VDAC3: variants seen among roughly 807,000 people sequenced by gnomAD.
VDAC3 encodes non-selective voltage-gated ion channel VDAC3.
VDAC3 carries 7 observed loss-of-function variants against 33.9 expected under a neutral mutation model. The observed-to-expected ratio is 0.21, with a 90% CI of 0.12 to 0.39. The LOEUF is 0.39. Among genes scored for constraint, VDAC3 ranks in the 10% least tolerant of loss-of-function variants. The probability of loss-of-function intolerance (pLI) is 1.00; values close to 1 mark genes in which losing one functional copy is unlikely to be tolerated. For missense variants in VDAC3, 261 were observed against 334.5 expected (o/e 0.78, Z 1.71); for synonymous variants, 100 against 122.4 (o/e 0.82, Z 1.21).
Position 42,394,210 on chromosome 8 carries a change from A to G in VDAC3, c.-2A>G. The G allele has an allele frequency of 1.2e-6, 2 of 1,613,476 alleles. No homozygotes were observed. The highest frequency in any genetic ancestry group is 2.2e-5 in the East Asian group (1 of 44,822). On this transcript the variant is annotated splice_region_variant and 5_prime_UTR_variant, in exon 3 of 10. Coordinates refer to ENST00000022615, the MANE Select transcript of VDAC3 (RefSeq NM_005662.7). Reference sequence around the variant, plus strand: ...CCTTTGCCCTGTTTTTCTTTATAAGATATGTGTAACACACCAACGTACTGT... The same window carrying G: ...CCTTTGCCCTGTTTTTCTTTATAAGGTATGTGTAACACACCAACGTACTGT...
At chr8:42,399,149 A>G (rs1294495097) in intron 5 of VDAC3, among the ~76,000 whole-genome samples, 1 of 152,144 alleles carries the variant, frequency 6.6e-6, no homozygotes, top group East Asian at 1.9e-4. Context: ...TTAGTTTTGT[A>G]ATTGTTGAAA....
At chr8:42,399,728 GA>G (rs762862301) in intron 6 of VDAC3, 25 bp downstream of exon 6, 9 of 1,608,860 alleles carry the variant, frequency 5.6e-6, no homozygotes, top group Non-Finnish European at 6.8e-6. Flanking sequence ...CCCATTTCCT[GA>G]AACGTTTTTG....
chr8:42,398,795 T>C lies in VDAC3; in HGVS notation c.201T>C (p.Tyr67=). 1 of 1,614,010 alleles carries C rather than the reference T, an allele frequency of 6.2e-7. No homozygotes were observed. The highest frequency in any genetic ancestry group is 8.5e-7 in the Non-Finnish European group (1 of 1,179,986). The change falls in exon 5 of 10, where the codon TAT becomes TAC. Residue 67 remains tyrosine (Y), a synonymous_variant. Transcript: ENST00000022615. ...NLETKYKVCN[Y]GLTFTQKWNT... ...AAACCAAATATAAGGTCTGTAACTA[T>C]GGACTTACCTTCACCCAGAAATGGA...
rs201176510 is a variant in VDAC3 at position 42,394,234 on chromosome 8, G to A, written c.23G>A (p.Cys8Tyr). ...GATATGTGTAACACACCAACGTACTGTGACCTAGGAAAGGCTGCTAAGGAT... is the reference window on the plus strand; with the variant it reads ...GATATGTGTAACACACCAACGTACTATGACCTAGGAAAGGCTGCTAAGGAT... Reference protein sequence around the residue: MCNTPTYCDLGKAAKDVF... With the variant: MCNTPTYYDLGKAAKDVF... Residue 8 changes from cysteine (C) to tyrosine (Y), a missense_variant, in exon 3 of 10, where the codon TGT (cysteine) becomes TAT (tyrosine). Cys to Tyr is a radical substitution (Grantham distance 194, BLOSUM62 -2). Transcript: ENST00000022615. The A allele has an allele frequency of 6.2e-7, 1 of 1,613,690 alleles. No individual in the cohort carries two copies. The highest frequency in any genetic ancestry group is 1.1e-5 in the South Asian group (1 of 91,052).
chr8:42,402,733 T>C (rs1011565884), intron 7 of VDAC3, among the ~76,000 whole-genome samples: 1 of 152,206 alleles, frequency 6.6e-6, no homozygotes, highest in Non-Finnish European at 1.5e-5. Flanking sequence ...AGCAGTGGTA[T>C]AGACAGTTAC....
At chr8:42,399,142 G>A (rs1408658452) in intron 5 of VDAC3, among the ~76,000 whole-genome samples, 3 of 152,052 alleles carry the variant, frequency 2.0e-5, no homozygotes, top group Non-Finnish European at 4.4e-5. Context: ...ATTTGGTTTA[G>A]TTTTGTAATT....
intron 7 of VDAC3, among the ~76,000 whole-genome samples, chr8:42,402,796 C>T (rs1802437195): frequency 6.6e-6 from 1 of 152,206 alleles, no homozygotes; most frequent in Admixed American, 6.5e-5. Context: ...CCCAAGGACT[C>T]ACCTCTGGCA....
Position 42,403,356 on chromosome 8 carries a change from T to C in VDAC3, c.597T>C (p.Asn199=), listed in dbSNP as rs951822122. Residue 199 remains asparagine, a synonymous_variant, in exon 8 of 10, where the codon AAT becomes AAC. Coordinates refer to ENST00000022615, the MANE Select transcript of VDAC3 (RefSeq NM_005662.7). ...EFGGSIYQKV[N]EKIETSINLA... is the part of the protein sequence containing the mutation. ...GAGGTTCTATCTACCAGAAGGTGAA[T>C]GAGAAGATTGAAACATCCATAAACC... 1.2e-6 allele frequency: 2 copies of C among 1,613,796 alleles called. No homozygotes were observed. The highest frequency in any genetic ancestry group is 1.7e-6 in the Non-Finnish European group (2 of 1,179,980).
chr8:42,399,056 A>G (rs556275915), intron 5 of VDAC3, among the ~76,000 whole-genome samples, 192 bp downstream of exon 5: 1 of 151,968 alleles, frequency 6.6e-6, no homozygotes, highest in Non-Finnish European at 1.5e-5. Context: ...TCTAATTACT[A>G]TATTACATCT....
chr8:42,392,183 T>G (rs1016277928), intron 1 of VDAC3, among the ~76,000 whole-genome samples: 10 of 152,316 alleles, frequency 6.6e-5, no homozygotes, highest in African/African-American at 2.4e-4. Context: ...TGGACCGCAC[T>G]TTCCTCCCAG....
At chr8:42,400,824 C>T (rs1240045643) in intron 6 of VDAC3, among the ~76,000 whole-genome samples, 1 of 151,662 alleles carries the variant, frequency 6.6e-6, no homozygotes, top group Non-Finnish European at 1.5e-5. Context: ...CACCACCACG[C>T]CCAGCTAATT....
intron 1 of VDAC3, among the ~76,000 whole-genome samples, chr8:42,392,477 G>C (rs1172893280): frequency 6.6e-6 from 1 of 152,344 alleles, no homozygotes; most frequent in East Asian, 1.9e-4. Flanking sequence ...TGGTGGAGAC[G>C]TGTGGTTGTA....
At chr8:42,394,348 C>T (rs1802266011) in intron 3 of VDAC3, 70 bp downstream of exon 3, 1 of 1,303,320 alleles carries the variant, frequency 7.7e-7, no homozygotes, top group Non-Finnish European at 1.1e-6. Context: ...TGTGTAAATA[C>T]TGTGTTAGTA....
intron 8 of VDAC3, among the ~76,000 whole-genome samples, chr8:42,404,310 A>C (rs1384112236): frequency 3.3e-5 from 5 of 152,204 alleles, no homozygotes. Context: ...AGAGATTGTC[A>C]GCTGGTATCT....
chr8:42,403,587 A>C, intron 8 of VDAC3, 126 bp downstream of exon 8: 1 of 1,080,908 alleles, frequency 9.3e-7, no homozygotes, highest in Non-Finnish European at 1.3e-6. Flanking sequence ...TTGTGTAGTG[A>C]AAGGAATATA....
At chr8:42,392,249 C>A (rs1196590717) in intron 1 of VDAC3, among the ~76,000 whole-genome samples, 2 of 152,236 alleles carry the variant, frequency 1.3e-5, no homozygotes, top group East Asian at 3.9e-4. Flanking sequence ...AACCCCACAC[C>A]CATCTCCCGC....
intron 8 of VDAC3, 67 bp from the exon 9 acceptor site, chr8:42,404,800 G>C (rs1802470867): frequency 7.3e-7 from 1 of 1,376,192 alleles, no homozygotes; most frequent in Non-Finnish European, 1.0e-6. Context: ...AATGCACAAA[G>C]TGATGGTTAT....
chr8:42,396,061 T>G (rs1802306808), intron 4 of VDAC3, among the ~76,000 whole-genome samples: 1 of 150,604 alleles, frequency 6.6e-6, no homozygotes, highest in African/African-American at 2.4e-5. Flanking sequence ...ATTGAGACCA[T>G]CCTGGCTAAT....
In VDAC3 at chr8:42,403,322, C is replaced by CTGAATT. The variant is rs1802448794; in HGVS notation, c.566_571dup (p.Glu189_Phe190dup). The stretch of plus-strand genomic sequence containing the variant: ...ATCTATGAAAACAGGAACGATGGCA[C>CTGAATT]TGAATTTGGAGGTTCTATCTACCAG... On this transcript the variant is annotated inframe_insertion, in exon 8 of 10. Coordinates refer to ENST00000022615, the MANE Select transcript of VDAC3 (RefSeq NM_005662.7). 1.2e-6 allele frequency: 2 copies of CTGAATT among 1,613,928 alleles called. No individual in the cohort carries two copies. The highest frequency in any genetic ancestry group is 1.7e-6 in the Non-Finnish European group (2 of 1,180,010).
Sources: gnomAD v4.1 joint callset for allele counts (sites outside exome capture counted in the v4.1 genomes callset) on GRCh38, gnomAD v4.1.1 for gene constraint, MANE v1.5 for transcripts, NCBI Gene and HGNC (gene_info 2026-07-23, HGNC 2026-07-21) for gene names.